DCLK1: variants seen among roughly 807,000 people sequenced by gnomAD.
The protein encoded by DCLK1 is serine/threonine-protein kinase DCLK1.
In DCLK1, 16 loss-of-function variants were observed where a neutral mutation model predicts 86.2. The observed-to-expected ratio is 0.19, with a 90% CI of 0.13 to 0.28. DCLK1 has a LOEUF of 0.28. Among genes scored for constraint, DCLK1 ranks in the 10% least tolerant of loss-of-function variants. The pLI is 1.00. For synonymous variants in DCLK1, 369 were observed against 370.5 expected (o/e 1.00, Z 0.05); for missense variants, 590 against 940.2 (o/e 0.63, Z 4.87).
intron 3 of DCLK1, among the ~76,000 whole-genome samples, chr13:35,948,986 C>T (rs556105352): frequency 6.6e-6 from 1 of 152,304 alleles, no homozygotes; most frequent in Non-Finnish European, 1.5e-5. Context: ...ACCATAGCTT[C>T]TTCTAGCATC....
At chr13:35,789,868 G>A (rs1419577875) in intron 16 of DCLK1, among the ~76,000 whole-genome samples, 2 of 151,314 alleles carry the variant, frequency 1.3e-5, no homozygotes, top group Non-Finnish European at 2.9e-5. Context: ...ATAACCTTTT[G>A]TTTCCCTTTC....
intron 3 of DCLK1, among the ~76,000 whole-genome samples, chr13:35,952,498 C>T (rs75753738): frequency 0.024 from 3,656 of 152,294 alleles, 69 homozygotes; most frequent in Non-Finnish European, 0.04. Flanking sequence ...CCTGATATAA[C>T]AAATGTGCTA....
intron 3 of DCLK1, among the ~76,000 whole-genome samples, chr13:35,971,269 A>G (rs1012468415): frequency 1.3e-5 from 2 of 152,180 alleles, no homozygotes; most frequent in Non-Finnish European, 2.9e-5. Context: ...ATGTAACTGA[A>G]GCACTGAAAA....
intron 4 of DCLK1, among the ~76,000 whole-genome samples, chr13:35,910,851 T>C (rs181057107): frequency 8.9e-4 from 136 of 152,296 alleles, no homozygotes; most frequent in African/African-American, 2.9e-3. Flanking sequence ...CTTTGTGCAA[T>C]TAATCATTTT....
intron 3 of DCLK1, among the ~76,000 whole-genome samples, chr13:36,088,253 T>C (rs556564765): frequency 6.6e-6 from 1 of 152,276 alleles, no homozygotes; most frequent in South Asian, 2.1e-4. Context: ...CTGCAGACCA[T>C]ATCCTTTGAG....
At chr13:35,805,489 G>T (rs1046641112) in intron 15 of DCLK1, 8 of 464,978 alleles carry the variant, frequency 1.7e-5, no homozygotes, top group Non-Finnish European at 2.7e-5. Flanking sequence ...GGTAGAGATG[G>T]GGTTTTGCCA....
intron 3 of DCLK1, among the ~76,000 whole-genome samples, chr13:36,057,416 A>G (rs891744924): frequency 2.0e-5 from 3 of 152,220 alleles, no homozygotes; most frequent in Admixed American, 6.5e-5. Context: ...AGCGACTGTT[A>G]CTTAAATCTA....
intron 12 of DCLK1, 61 bp downstream of exon 12, chr13:35,810,774 A>G (rs1340197570): frequency 2.5e-6 from 4 of 1,585,504 alleles, no homozygotes; most frequent in African/African-American, 2.7e-5. Context: ...TATTTTTCCT[A>G]TTCTCGAAGC....
rs181001918 is a variant in DCLK1 at position 35,851,976 on chromosome 13, C to A, written c.1035+2523G>T. ...TATTTTAAAATGGGGGCAAGGCGCG[C>A]GTGTGTGCATGTGTGTGTATGTGTG... On this transcript the variant is annotated intron_variant, in intron 6 of 16. Transcript: ENST00000360631. Among the ~76,000 whole-genome samples, 560 of 148,868 alleles carry A rather than the reference C, an allele frequency of 3.8e-3. 3 individuals carry two copies. The highest frequency in any genetic ancestry group is 0.017 in the Middle Eastern group (5 of 294).
At chr13:35,783,922 T>C (rs1464344810) in intron 16 of DCLK1, among the ~76,000 whole-genome samples, 1 of 152,192 alleles carries the variant, frequency 6.6e-6, no homozygotes, top group Non-Finnish European at 1.5e-5. Flanking sequence ...GTCATGTGTC[T>C]GACATATATT....
chr13:35,936,962 C>CTTTTTTTTTTTTTTTTTTTT lies in DCLK1; in HGVS notation c.823+10376_823+10395dup, dbSNP rs140269668. ...TTAAAACATCCAAAAGAAAAGTTAGCTTTTTTTTTTTTTTTTTTTTTTTTT... is the reference window on the plus strand; with the variant it reads ...TTAAAACATCCAAAAGAAAAGTTAGCTTTTTTTTTTTTTTTTTTTTTTTTTTTTTTTTTTTTTTTTTTTTT... On this transcript the variant is annotated intron_variant, in intron 4 of 16. Transcript: ENST00000360631. Among the ~76,000 whole-genome samples the CTTTTTTTTTTTTTTTTTTTT allele has an allele frequency of 2.1e-3, 135 of 65,726 alleles. 6 individuals carry two copies. Among genetic ancestry groups the CTTTTTTTTTTTTTTTTTTTT allele is most frequent in the Middle Eastern group, 8.1e-3 (1 of 124 alleles). 43.1% of individuals were successfully genotyped at this position (65,726 alleles called of 152,430 possible).
At chr13:35,819,900 A>AT (rs1197052211) in intron 11 of DCLK1, among the ~76,000 whole-genome samples, 6 of 152,214 alleles carry the variant, frequency 3.9e-5, no homozygotes, top group Non-Finnish European at 7.3e-5. Flanking sequence ...TCAAAAGAAA[A>AT]TTAATAGTTA....
intron 6 of DCLK1, among the ~76,000 whole-genome samples, chr13:35,852,206 G>A (rs868038577): frequency 2.0e-5 from 3 of 152,312 alleles, no homozygotes; most frequent in African/African-American, 2.4e-5. Context: ...TAGGAGTATA[G>A]CCAATCATTT....
At chr13:35,805,844 T>G (rs2087016564) in intron 14 of DCLK1, 65 bp from the exon 15 acceptor site, 2 of 1,432,818 alleles carry the variant, frequency 1.4e-6, no homozygotes, top group South Asian at 2.5e-5. Flanking sequence ...TGTGTGCAAA[T>G]GCAAGAGTTC....
intron 3 of DCLK1, among the ~76,000 whole-genome samples, chr13:36,050,669 A>T (rs1204225861): frequency 6.6e-6 from 1 of 152,128 alleles, no homozygotes; most frequent in Non-Finnish European, 1.5e-5. Context: ...GATTAACTTA[A>T]TCTCGTCCTT....
intron 16 of DCLK1, among the ~76,000 whole-genome samples, chr13:35,789,936 T>C (rs983560903): frequency 1.3e-5 from 2 of 151,972 alleles, no homozygotes; most frequent in African/African-American, 4.8e-5. Flanking sequence ...AGAGGGACAA[T>C]GGCGTCTCTC....
At chr13:36,065,986 T>A (rs921352363) in intron 3 of DCLK1, among the ~76,000 whole-genome samples, 1 of 152,138 alleles carries the variant, frequency 6.6e-6, no homozygotes, top group African/African-American at 2.4e-5. Context: ...TATTTTCTTC[T>A]TCATACCAAA....
intron 4 of DCLK1, among the ~76,000 whole-genome samples, chr13:35,883,328 T>A (rs1043977920): frequency 1.3e-4 from 20 of 152,230 alleles, no homozygotes; most frequent in African/African-American, 4.3e-4. Context: ...ATGAGTGTGT[T>A]CTCGCTCTGT....
chr13:35,982,429 AGAGGGGGAGG>A (rs1422269852), intron 3 of DCLK1, among the ~76,000 whole-genome samples: 692 of 32,172 alleles, frequency 0.022, 28 homozygotes, highest in Non-Finnish European at 0.034. Context: ...AGAGAGAGAG[AGAGGGGGAGG>A]GAGGGAGGGA....
Sources: allele counts gnomAD v4.1 joint callset (sites outside exome capture counted in the v4.1 genomes callset), GRCh38; gene constraint gnomAD v4.1.1; transcripts MANE v1.5; gene names NCBI Gene and HGNC (gene_info 2026-07-23, HGNC 2026-07-21).